VEGFB: variants seen among roughly 807,000 people sequenced by gnomAD.
VEGFB encodes vascular endothelial growth factor B.
A neutral mutation model predicts 22.5 loss-of-function variants in VEGFB; 24 were observed. That is an observed-to-expected ratio of 1.07 (90% confidence interval 0.77 to 1.50). The LOEUF is 1.50. Among genes scored for constraint, VEGFB ranks in the 40% most tolerant of loss-of-function variants. The probability of loss-of-function intolerance (pLI) is 0.00; values close to 1 mark genes in which losing one functional copy is unlikely to be tolerated. For synonymous variants in VEGFB, 141 were observed against 117.4 expected, an observed-to-expected ratio of 1.20 and a Z score of -1.30; for missense variants, 327 against 287.8, an observed-to-expected ratio of 1.14 and a Z score of -0.99.
Position 64,238,373 on chromosome 11 carries a change from G to A in VEGFB, c.*40G>A. The A allele has an allele frequency of 1.3e-6, 2 of 1,536,220 alleles. No individual in the cohort carries two copies. Among genetic ancestry groups the A allele is most frequent in the Non-Finnish European group, 8.7e-7 (1 of 1,146,884 alleles). ...CTCCTCAGGTGCCGGAAGCTGCGAA[G>A]GTGACACATGGCTTTTCAGACTCAG... On this transcript the variant is annotated 3_prime_UTR_variant, in exon 7 of 7. Coordinates refer to ENST00000309422, the MANE Select transcript of VEGFB (RefSeq NM_003377.5).
At chr11:64,236,611 G>C (rs1006969871) in intron 4 of VEGFB, among the ~76,000 whole-genome samples, 1 of 151,290 alleles carries the variant, frequency 6.6e-6, no homozygotes, top group African/African-American at 2.4e-5. Context: ...CAGCTACTCC[G>C]GAGGCTGAGG....
intron 6 of VEGFB, 138 bp downstream of exon 6, chr11:64,237,793 A>G (rs2030217658): frequency 6.2e-6 from 5 of 810,122 alleles, no homozygotes; most frequent in African/African-American, 1.7e-5. Flanking sequence ...TATTTACCAA[A>G]CAGCTGCTGG....
At chr11:64,237,966 A>G (rs530705290) in intron 6 of VEGFB, 2 of 482,076 alleles carry the variant, frequency 4.1e-6, no homozygotes, top group African/African-American at 3.8e-5. Flanking sequence ...CGGAGTAGAA[A>G]TGTAGGACAC....
intron 2 of VEGFB, 56 bp downstream of exon 2, chr11:64,235,556 C>T (rs1229934977): frequency 1.3e-6 from 2 of 1,560,788 alleles, no homozygotes; most frequent in East Asian, 2.2e-5. Flanking sequence ...GTCATGGGCC[C>T]TGATTCCAGG....
Position 64,235,487 on chromosome 11 carries a change from C to A in VEGFB, c.90C>A (p.Gly30=). The change falls in exon 2 of 7, where the codon GGC becomes GGA. Residue 30 remains glycine (G), a synonymous_variant. Coordinates refer to ENST00000309422, the MANE Select transcript of VEGFB (RefSeq NM_003377.5). Reference sequence around the variant, plus strand: ...CTGTCTCCCAGCCTGATGCCCCTGGCCACCAGAGGAAAGGTAATACTTACA... The same window carrying A: ...CTGTCTCCCAGCCTGATGCCCCTGGACACCAGAGGAAAGGTAATACTTACA... ...QAPVSQPDAP[G]HQRKVVSWID... 1 of 1,613,888 alleles carries A rather than the reference C, an allele frequency of 6.2e-7. No homozygotes were observed. Among genetic ancestry groups the A allele is most frequent in the Non-Finnish European group, 8.5e-7 (1 of 1,179,970 alleles).
At chr11:64,236,078 A>T in intron 3 of VEGFB, 69 bp downstream of exon 3, 1 of 1,531,120 alleles carries the variant, frequency 6.5e-7, no homozygotes, top group Middle Eastern at 1.7e-4. Flanking sequence ...GGCAGGGTGG[A>T]TGCTGGCTGG....
chr11:64,235,907 A>G lies in VEGFB; in HGVS notation c.198A>G (p.Lys66=). ...TGGAGCTCATGGGCACCGTGGCCAA[A>G]CAGCTGGTGCCCAGCTGCGTGACTG... is the stretch of plus-strand genomic sequence containing the variant. ...LTVELMGTVA[K]QLVPSCVTVQ... The change falls in exon 3 of 7, where the codon AAA becomes AAG. Residue 66 remains lysine, a synonymous_variant. Coordinates refer to ENST00000309422, the MANE Select transcript of VEGFB (RefSeq NM_003377.5). 6.2e-7 allele frequency: 1 copy of G among 1,613,742 alleles called. No homozygotes were observed. The highest frequency in any genetic ancestry group is 8.5e-7 in the Non-Finnish European group (1 of 1,180,000).
chr11:64,236,422 G>A lies in VEGFB; in HGVS notation c.374+95G>A, dbSNP rs2135015297. 5 of 1,289,556 alleles carry A rather than the reference G, an allele frequency of 3.9e-6. No homozygotes were observed. In the South Asian group the frequency reaches 6.1e-5, roughly 16 times the overall value. 79.9% of individuals were successfully genotyped at this position (1,289,556 alleles called of 1,614,324 possible). A position where few individuals can be genotyped will look rare whatever the true frequency, so the allele number is the denominator to read the frequency against. ...AGAACTGGGGACCAGGTTCCTAAGA[G>A]TAGAACCAAGGGGCCGGGCGTGGTA... On this transcript the variant is annotated intron_variant, in intron 4 of 6. Transcript: ENST00000309422.
At position 64,236,476 on chromosome 11, in the gene VEGFB, G is replaced by A. The variant is rs61761268; in HGVS notation, c.374+149G>A. 529 of 699,858 alleles carry A rather than the reference G, an allele frequency of 7.6e-4. 3 individuals are homozygous for A. In the African/African-American group the frequency reaches 8.9e-3, roughly 12 times the overall value. 43.4% of individuals were successfully genotyped at this position (699,858 alleles called of 1,614,324 possible). ...CACGCCTGTAATCCCAGCACTTTGG[G>A]AGGCCGAGGCGGGCGGATCATGAGG... On this transcript the variant is annotated intron_variant, in intron 4 of 6. Transcript: ENST00000309422.
chr11:64,234,945 G>A lies in VEGFB; in HGVS notation c.60+52G>A. The A allele has an allele frequency of 1.6e-6, 2 of 1,257,342 alleles. No homozygotes were observed. The highest frequency in any genetic ancestry group is 6.3e-5 in the East Asian group (2 of 31,802). The allele number at this position is 1,257,342 out of a possible 1,614,324, so 77.9% of individuals were successfully genotyped here. A position where few individuals can be genotyped will look rare whatever the true frequency, so the allele number is the denominator to read the frequency against. On this transcript the variant is annotated intron_variant, in intron 1 of 6. Coordinates refer to ENST00000309422, the MANE Select transcript of VEGFB (RefSeq NM_003377.5). This position sits in a 1 kb window ranked among gnomAD's most constrained non-coding sequence, Gnocchi z 5.3. ...CCCGCCCGCCGTGCCCTCTCTCAAG[G>A]TTGGCGGAAGTGAGGAGGCGACCCG...
Position 64,237,452 on chromosome 11 carries a change from G to A in VEGFB, c.443G>A (p.Arg148His), listed in dbSNP as rs138325963. Reference sequence around the variant, plus strand: ...ACTCCCCACCACCGTCCCCAGCCCCGTTCTGTTCCGGGCTGGGACTCTGCC... The same window carrying A: ...ACTCCCCACCACCGTCCCCAGCCCCATTCTGTTCCGGGCTGGGACTCTGCC... The part of the protein sequence containing the change: ...AATPHHRPQP[R>H]SVPGWDSAPG... Residue 148 changes from arginine (R) to histidine (H), a missense_variant, in exon 6 of 7, where the codon CGT becomes CAT. Physicochemically the swap from Arg to His is conservative, Grantham distance 29 (BLOSUM62 0). Transcript: ENST00000309422. 1,273 of 1,609,156 alleles carry A rather than the reference G, an allele frequency of 7.9e-4. 8 individuals carry two copies. In the African/African-American group the frequency reaches 0.014, roughly 17 times the overall value.
intron 4 of VEGFB, among the ~76,000 whole-genome samples, chr11:64,236,551 T>TA (rs1249363398): frequency 1.3e-5 from 2 of 150,410 alleles, no homozygotes; most frequent in Non-Finnish European, 3.0e-5. Context: ...CTGTCTCTAC[T>TA]AAAAAAATAC....
chr11:64,236,000 C>T lies in VEGFB; in HGVS notation c.291C>T (p.Val97=), dbSNP rs772534618. ...GTGTGCCCACTGGGCAGCACCAAGT[C>T]CGGATGCAGGTACTGGGCAGGTGGG... ...LECVPTGQHQ[V]RMQILMIRYP... is the part of the protein sequence containing the mutation. Residue 97 remains valine (V), a synonymous_variant, in exon 3 of 7, where the codon GTC becomes GTT. Coordinates refer to ENST00000309422, the MANE Select transcript of VEGFB (RefSeq NM_003377.5). 6.3e-7 allele frequency: 1 copy of T among 1,591,852 alleles called. No homozygotes were observed. Among genetic ancestry groups the T allele is most frequent in the African/African-American group, 1.3e-5 (1 of 74,402 alleles).
rs530578702 is a variant in VEGFB, at chr11:64,235,008, G to C, written c.60+115G>C. 3.9e-5 allele frequency: 35 copies of C among 903,610 alleles called. No homozygotes were observed. The East Asian group carries it at 1.1e-3, about 29-fold the overall frequency. 56.0% of individuals were successfully genotyped at this position (903,610 alleles called of 1,614,324 possible). On this transcript the variant is annotated intron_variant, in intron 1 of 6. Coordinates refer to ENST00000309422, the MANE Select transcript of VEGFB (RefSeq NM_003377.5). ...AGGGGATCTGCGGGGTCCGGCCTTG[G>C]ACGCGGGCGTCTCGGGGGCCCGGCG...
chr11:64,235,064 C>T (rs1290730169), intron 1 of VEGFB, among the ~76,000 whole-genome samples, 171 bp downstream of exon 1: 1 of 152,070 alleles, frequency 6.6e-6, no homozygotes, highest in African/African-American at 2.4e-5. Flanking sequence ...CCCCTCCCCG[C>T]TGGCCCGCCA....
intron 6 of VEGFB, 66 bp downstream of exon 6, chr11:64,237,721 G>C (rs2030215113): frequency 7.2e-7 from 1 of 1,391,918 alleles, no homozygotes; most frequent in South Asian, 1.4e-5. Flanking sequence ...AGCAGGTCCA[G>C]GGTGAGCCTG....
At chr11:64,236,079 T>G in intron 3 of VEGFB, 70 bp downstream of exon 3, 1 of 1,531,374 alleles carries the variant, frequency 6.5e-7, no homozygotes, top group South Asian at 1.2e-5. Context: ...GCAGGGTGGA[T>G]GCTGGCTGGC....
At chr11:64,237,320 C>T (rs2135000475) in intron 5 of VEGFB, 98 bp downstream of exon 5, 1 of 1,510,290 alleles carries the variant, frequency 6.6e-7, no homozygotes, top group African/African-American at 1.4e-5. Context: ...CCCCCACTTT[C>T]CCTTTTCCTC....
chr11:64,237,725 G>T, intron 6 of VEGFB, 70 bp downstream of exon 6: 1 of 1,363,698 alleles, frequency 7.3e-7, no homozygotes, highest in African/African-American at 1.5e-5. Flanking sequence ...GGTCCAGGGT[G>T]AGCCTGCCAG....
Sources: gnomAD v4.1 joint callset for allele counts (sites outside exome capture counted in the v4.1 genomes callset) on GRCh38, gnomAD v4.1.1 for gene constraint, Gnocchi (gnomAD v3.1) non-coding constraint, MANE v1.5 for transcripts, NCBI Gene and HGNC (gene_info 2026-07-23, HGNC 2026-07-21) for gene names.